DST: variants seen among roughly 807,000 people sequenced by gnomAD.
DST encodes the protein bullous pemphigoid antigen.
In DST, 253 loss-of-function variants were observed where a neutral mutation model predicts 875.2. The ratio of observed to expected loss-of-function variants is 0.29; its 90% CI spans 0.26 to 0.32. The LOEUF is 0.32. Ranked by LOEUF, DST falls within the 10% of genes least tolerant of loss-of-function variation. The pLI is 1.00. For synonymous variants in DST, 3,124 were observed against 3,197.1 expected, an observed-to-expected ratio of 0.98 and a Z score of 0.77; for missense variants, 8,287 against 9,111.6, an observed-to-expected ratio of 0.91 and a Z score of 3.68.
At chr6:56,493,205 CTATTAATA>C (rs1349273256) in intron 83 of DST, 116 bp from the exon 84 acceptor site, 5 of 793,424 alleles carry the variant, frequency 6.3e-6, no homozygotes, top group Non-Finnish European at 5.6e-6. Context: ...TTATGCATAT[CTATTAATA>C]TATTAACTAA....
At chr6:56,925,533 G>A (rs1806596544) in intron 2 of DST, among the ~76,000 whole-genome samples, 1 of 152,104 alleles carries the variant, frequency 6.6e-6, no homozygotes. Flanking sequence ...ATTTTGAGTG[G>A]GAAAAGGGAT....
chr6:56,589,771 T>C (rs1185208950), intron 49 of DST, among the ~76,000 whole-genome samples: 1 of 152,228 alleles, frequency 6.6e-6, no homozygotes, highest in African/African-American at 2.4e-5. Context: ...CCTAGTAGTA[T>C]CAGATTGTTG....
chr6:56,783,825 G>T (rs148060868), intron 4 of DST, among the ~76,000 whole-genome samples: 1,635 of 152,256 alleles, frequency 0.011, 26 homozygotes, highest in African/African-American at 0.037. Context: ...AGTCTCAATG[G>T]TCTTTACATT....
At chr6:56,834,002 A>G (rs1437639284) in intron 4 of DST, among the ~76,000 whole-genome samples, 1 of 152,036 alleles carries the variant, frequency 6.6e-6, no homozygotes, top group African/African-American at 2.4e-5. Context: ...CCAAGGCAGG[A>G]GGATCACTAG....
intron 24 of DST, among the ~76,000 whole-genome samples, chr6:56,635,314 CT>C (rs2098814193): frequency 6.6e-6 from 1 of 151,960 alleles, no homozygotes; most frequent in African/African-American, 2.4e-5. Context: ...ATATTAAGAA[CT>C]TAAAAAGTAT....
chr6:56,852,785 A>T (rs1765909518), intron 3 of DST, among the ~76,000 whole-genome samples: 1 of 152,268 alleles, frequency 6.6e-6, no homozygotes, highest in African/African-American at 2.4e-5. Context: ...TGTAACTTGC[A>T]GCCATGGATT....
intron 48 of DST, 85 bp downstream of exon 48, chr6:56,593,578 G>T: frequency 8.9e-7 from 1 of 1,121,356 alleles, no homozygotes; most frequent in Non-Finnish European, 1.2e-6. Context: ...TTGGATTTTA[G>T]GTTTCTTGCC....
chr6:56,946,769 G>A (rs150876231), intron 2 of DST, among the ~76,000 whole-genome samples: 20 of 152,272 alleles, frequency 1.3e-4, no homozygotes, highest in African/African-American at 4.6e-4. Flanking sequence ...AGGTAAGGGA[G>A]TAGGCCTGAG....
rs750725028 is a variant in DST, at chr6:56,608,196, A to C, written c.6432T>G (p.Pro2144=). The C allele has an allele frequency of 1.2e-6, 2 of 1,613,710 alleles. No individual in the cohort carries two copies. Among genetic ancestry groups the C allele is most frequent in the South Asian group, 1.1e-5 (1 of 91,078 alleles). The change falls in exon 40 of 104, where the codon CCT becomes CCG. Residue 2144 remains proline (P), a synonymous_variant. Transcript: ENST00000680361. ...TASILKNITL[P]DKMPDLGDLE... ...AATCTCCTAAATCTGGCATTTTATC[A>C]GGCAGTGTTATATTTTTTAAAATTG...
At chr6:56,908,903 T>C (rs1797675937) in intron 2 of DST, among the ~76,000 whole-genome samples, 2 of 152,202 alleles carry the variant, frequency 1.3e-5, no homozygotes, top group South Asian at 4.1e-4. Context: ...GGGGGATGCA[T>C]GAATAATCCA....
chr6:56,687,514 G>T (rs994641082), intron 9 of DST, among the ~76,000 whole-genome samples: 1 of 152,132 alleles, frequency 6.6e-6, no homozygotes, highest in Admixed American at 6.5e-5. Context: ...CTTAGTGTGA[G>T]AGACTAAGAG....
chr6:56,765,413 C>G (rs1218533161), intron 4 of DST, among the ~76,000 whole-genome samples: 1 of 152,152 alleles, frequency 6.6e-6, no homozygotes, highest in African/African-American at 2.4e-5. Context: ...CATAAGAAGT[C>G]ACTCAAGGAA....
Position 56,606,337 on chromosome 6 carries a change from C to T in DST, c.8291G>A (p.Ser2764Asn), listed in dbSNP as rs2098497805. 1 of 1,612,542 alleles carries T rather than the reference C, an allele frequency of 6.2e-7. No homozygotes were observed. Among genetic ancestry groups the T allele is most frequent in the Non-Finnish European group, 8.5e-7 (1 of 1,179,234 alleles). The change falls in exon 40 of 104, where the codon AGT (serine) becomes AAT (asparagine). Residue 2764 changes from serine to asparagine, a missense_variant. Physicochemically the swap from Ser to Asn is conservative, Grantham distance 46 (BLOSUM62 1). Coordinates refer to ENST00000680361, the MANE Select transcript of DST (RefSeq NM_001374736.1). ...ATACTCTTCCTTTCTTCCTCTCCAA[C>T]TGCCACTGTCATCAAATTTTAATGA... is the stretch of plus-strand genomic sequence containing the variant. The part of the protein sequence containing the change: ...TASLKFDDSG[S>N]WRGRKEEYVT...
intron 2 of DST, among the ~76,000 whole-genome samples, chr6:56,924,707 C>G (rs1395298279): frequency 6.6e-6 from 1 of 152,008 alleles, no homozygotes; most frequent in African/African-American, 2.4e-5. Flanking sequence ...ACATACAAAG[C>G]CATCATTTCT....
intron 5 of DST, among the ~76,000 whole-genome samples, chr6:56,710,634 T>C (rs1245065114): frequency 6.6e-6 from 1 of 152,184 alleles, no homozygotes; most frequent in African/African-American, 2.4e-5. Flanking sequence ...ATATTAATTA[T>C]TGATAAGAAA....
intron 10 of DST, among the ~76,000 whole-genome samples, chr6:56,656,391 T>C (rs2099008771): frequency 6.6e-6 from 1 of 152,362 alleles, no homozygotes. Context: ...CAGCTTCAGC[T>C]TCTGATAATG....
chr6:56,477,384 A>C lies in DST; in HGVS notation c.21636T>G (p.Ile7212Met), dbSNP rs2152411978. ...AICHPDSITT[I>M]KHWITIIRAR... ...CCCGGATGATTGTTATCCAGTGCTT[A>C]ATGGTAGTGATGGAGTCGGGGTGGC... The change falls in exon 91 of 104, where the codon ATT becomes ATG. Residue 7212 changes from isoleucine to methionine, a missense_variant. By Grantham distance (10) the Ile-to-Met change is conservative (BLOSUM62 1). Transcript: ENST00000680361. The C allele has an allele frequency of 6.2e-7, 1 of 1,613,964 alleles. No individual in the cohort carries two copies. Among genetic ancestry groups the C allele is most frequent in the Non-Finnish European group, 8.5e-7 (1 of 1,179,870 alleles).
Position 56,553,550 on chromosome 6 carries a change from T to A in DST, c.15242A>T (p.Asn5081Ile), listed in dbSNP as rs537433450. The change falls in exon 61 of 104, where the codon AAC (asparagine) becomes ATC (isoleucine). Residue 5081 changes from asparagine (N) to isoleucine (I), a missense_variant. This residue lies in a region of DST where 1,513 missense variants were observed against 1,677.8 expected (regional missense o/e 0.90). Coordinates refer to ENST00000680361, the MANE Select transcript of DST (RefSeq NM_001374736.1). ...AWLDTKKEEQ[N>I]KSHPISAKLD... ...TTTGGCAGATATTGGATGAGATTTG[T>A]TTTGCTCTTCTTTCTTTGTATCCAG... 1 of 1,613,994 alleles carries A rather than the reference T, an allele frequency of 6.2e-7. No individual in the cohort carries two copies. Among genetic ancestry groups the A allele is most frequent in the Admixed American group, 1.7e-5 (1 of 60,032 alleles).
intron 5 of DST, among the ~76,000 whole-genome samples, chr6:56,711,749 T>TGA (rs1383884252): frequency 6.6e-6 from 1 of 151,816 alleles, no homozygotes; most frequent in Non-Finnish European, 1.5e-5. Context: ...ATTCCACATA[T>TGA]GAGAGAGAGA....
Sources: allele counts gnomAD v4.1 joint callset (sites outside exome capture counted in the v4.1 genomes callset), GRCh38; gene constraint gnomAD v4.1.1; regional missense constraint gnomAD v4.1.1; transcripts MANE v1.5; gene names NCBI Gene and HGNC (gene_info 2026-07-23, HGNC 2026-07-21).